Variants in BMPR1A observed in about 807,000 individuals in gnomAD.
BMPR1A encodes the protein bone morphogenetic protein receptor type-1A.
Under a neutral mutation model 66.0 loss-of-function variants are expected in BMPR1A, and 7 were observed. The ratio of observed to expected loss-of-function variants is 0.11; its 90% confidence interval spans 0.06 to 0.20. The LOEUF is 0.20. Among genes scored for constraint, BMPR1A ranks in the 10% least tolerant of loss-of-function variants. BMPR1A has a pLI of 1.00. For missense variants in BMPR1A, 408 were observed against 669.1 expected (o/e 0.61, Z 4.31); for synonymous variants, 200 against 229.7 (o/e 0.87, Z 1.17).
At chr10:86,773,597 GAA>G (rs71019429) in intron 1 of BMPR1A, among the ~76,000 whole-genome samples, 21,211 of 100,326 alleles carry the variant, frequency 0.21, 2,080 homozygotes, top group African/African-American at 0.41. Flanking sequence ...GTCTCAGAAA[GAA>G]AAAAAAAAAA....
intron 1 of BMPR1A, among the ~76,000 whole-genome samples, chr10:86,826,425 C>T (rs1842196360): frequency 3.3e-5 from 5 of 151,824 alleles, no homozygotes; most frequent in Admixed American, 3.3e-4. Flanking sequence ...CACACACACA[C>T]ACACACACAC....
rs545412431 is a variant in BMPR1A, at chr10:86,819,929, G to C, written c.-267-18936G>C. 2.0e-5 allele frequency among the ~76,000 whole-genome samples: 3 copies of C among 152,310 alleles called. No homozygotes were observed. In the South Asian group the frequency reaches 6.2e-4, roughly 32 times the overall value. ...AGAAGTTGTGGTCAATTGATGATTA[G>C]GCTGATGGTTTCTGCTAGCTCTGGC... On this transcript the variant is annotated intron_variant, in intron 1 of 12. Transcript: ENST00000372037.
At chr10:86,905,247 ACT>A (rs1843369303) in intron 7 of BMPR1A, among the ~76,000 whole-genome samples, 1 of 152,094 alleles carries the variant, frequency 6.6e-6, no homozygotes, top group Non-Finnish European at 1.5e-5. Flanking sequence ...GCCTCCCTCC[ACT>A]GTGGACGAGG....
At chr10:86,911,548 C>T (rs184573220) in intron 7 of BMPR1A, among the ~76,000 whole-genome samples, 1 of 152,194 alleles carries the variant, frequency 6.6e-6, no homozygotes, top group Admixed American at 6.5e-5. Context: ...GAGTTCGAGA[C>T]CATCCTGGGC....
chr10:86,857,014 G>A (rs10788528), intron 2 of BMPR1A, among the ~76,000 whole-genome samples: 22,569 of 152,192 alleles, frequency 0.15, 2,693 homozygotes, highest in East Asian at 0.67. Context: ...CTGGGATCAG[G>A]GTATGTCACC....
intron 2 of BMPR1A, among the ~76,000 whole-genome samples, chr10:86,847,641 G>C (rs942104100): frequency 6.6e-6 from 1 of 151,882 alleles, no homozygotes; most frequent in Non-Finnish European, 1.5e-5. Flanking sequence ...CTTGAGGCCA[G>C]GAGTTCGAGA....
rs377660016 is a variant in BMPR1A, at chr10:86,809,653, G to A, written c.-267-29212G>A. Among the ~76,000 whole-genome samples the A allele has an allele frequency of 3.5e-4, 45 of 128,632 alleles. No homozygotes were observed. The East Asian group carries it at 4.4e-3, about 12-fold the overall frequency. 84.4% of individuals were successfully genotyped at this position (128,632 alleles called of 152,430 possible). On this transcript the variant is annotated intron_variant, in intron 1 of 12. Coordinates refer to ENST00000372037, the MANE Select transcript of BMPR1A (RefSeq NM_004329.3). Reference sequence around the variant, plus strand: ...TTAAGAGACAGGGTCTTATTCTGTCGTCTAGGCCTCAGCTCCTGGCCTCAA... The same window carrying A: ...TTAAGAGACAGGGTCTTATTCTGTCATCTAGGCCTCAGCTCCTGGCCTCAA...
At chr10:86,913,606 T>G (rs948891934) in intron 8 of BMPR1A, among the ~76,000 whole-genome samples, 9 of 152,254 alleles carry the variant, frequency 5.9e-5, no homozygotes, top group South Asian at 4.1e-4. Flanking sequence ...ACAGAGTCAT[T>G]GTACAAATAC....
In BMPR1A at chr10:86,765,212, G is replaced by A. The variant is rs7088126; in HGVS notation, c.-268+8293G>A. ...AAATCTAGTATAAATCCTTGGCCAG[G>A]TGCTGTGGCTCACGCCTGTAATCCC... On this transcript the variant is annotated intron_variant, in intron 1 of 12. Transcript: ENST00000372037. Among the ~76,000 whole-genome samples the A allele has an allele frequency of 0.27, 40,406 of 151,974 alleles. 6,783 individuals carry two copies. The highest frequency in any genetic ancestry group is 0.69 in the East Asian group (3,590 of 5,168).
intron 2 of BMPR1A, among the ~76,000 whole-genome samples, chr10:86,869,550 A>G (rs1447920799): frequency 6.6e-6 from 1 of 151,418 alleles, no homozygotes; most frequent in African/African-American, 2.4e-5. Flanking sequence ...TGAGGTTGGG[A>G]GTTCGAGACC....
chr10:86,920,941 C>T (rs998981258), intron 10 of BMPR1A, among the ~76,000 whole-genome samples: 3 of 150,218 alleles, frequency 2.0e-5, no homozygotes, highest in Non-Finnish European at 1.5e-5. Flanking sequence ...CTGCAGTCTC[C>T]GCCTCCCAGG....
intron 2 of BMPR1A, among the ~76,000 whole-genome samples, chr10:86,852,718 TA>T (rs1443626443): frequency 2.0e-5 from 3 of 152,096 alleles, no homozygotes; most frequent in African/African-American, 7.2e-5. Flanking sequence ...AAATAGAGAA[TA>T]CAGATAAAAG....
At chr10:86,858,408 A>G (rs919543533) in intron 2 of BMPR1A, among the ~76,000 whole-genome samples, 3 of 152,144 alleles carry the variant, frequency 2.0e-5, no homozygotes, top group Non-Finnish European at 4.4e-5. Context: ...TACATTTGGA[A>G]TTGCAAAATG....
rs1175466338 is a variant in BMPR1A at position 86,923,812 on chromosome 10, G to C, written c.*93G>C. On this transcript the variant is annotated 3_prime_UTR_variant, in exon 13 of 13. Transcript: ENST00000372037. ...TAGAGTGGAATAAGGATGTTAACTT[G>C]GTTCTCAGACTCTTTCTTCACTACG... The C allele has an allele frequency of 6.6e-7, 1 of 1,524,044 alleles. No individual in the cohort carries two copies. The highest frequency in any genetic ancestry group is 2.3e-5 in the East Asian group (1 of 44,268). 94.4% of individuals were successfully genotyped at this position (1,524,044 alleles called of 1,614,324 possible).
At chr10:86,838,794 T>C (rs575049820) in intron 1 of BMPR1A, 71 bp from the exon 2 acceptor site, 4 of 152,334 alleles carry the variant, frequency 2.6e-5, no homozygotes, top group African/African-American at 9.6e-5. Flanking sequence ...ACGCTTCTAG[T>C]ATTGCTTCTA....
At position 86,849,320 on chromosome 10, in the gene BMPR1A, C is replaced by T. The variant is rs367876475; in HGVS notation, c.-153+10341C>T. Among the ~76,000 whole-genome samples the T allele has an allele frequency of 2.6e-5, 4 of 152,272 alleles. No individual in the cohort carries two copies. In the East Asian group the frequency reaches 7.7e-4, roughly 29 times the overall value. On this transcript the variant is annotated intron_variant, in intron 2 of 12. Coordinates refer to ENST00000372037, the MANE Select transcript of BMPR1A (RefSeq NM_004329.3). ...TGCTTTTCTGACTTTGTGCTTTTGC[C>T]TCTGGATTTCCCAGTCTGGAATGCC...
At chr10:86,920,260 T>C (rs1248926281) in intron 10 of BMPR1A, among the ~76,000 whole-genome samples, 1 of 152,240 alleles carries the variant, frequency 6.6e-6, no homozygotes, top group Admixed American at 6.5e-5. Context: ...TTTATACATA[T>C]TAAACTATGG....
rs1564698905 is a variant in BMPR1A, at chr10:86,835,548, T to TGAA, written c.-267-3317_-267-3316insGAA. ...CCTGGGTGACAAGCAAGACTCTGTATCAAAAAAAAAAAAAAAAAAAAAAAA... is the reference window on the plus strand; with the variant it reads ...CCTGGGTGACAAGCAAGACTCTGTATGAACAAAAAAAAAAAAAAAAAAAAAAAA... On this transcript the variant is annotated intron_variant, in intron 1 of 12. Coordinates refer to ENST00000372037, the MANE Select transcript of BMPR1A (RefSeq NM_004329.3). Among the ~76,000 whole-genome samples the TGAA allele has an allele frequency of 5.3e-4, 6 of 11,282 alleles. 1 individual carries two copies. The highest frequency in any genetic ancestry group is 2.5e-3 in the African/African-American group (6 of 2,404). 7.4% of individuals were successfully genotyped at this position (11,282 alleles called of 152,430 possible).
intron 2 of BMPR1A, among the ~76,000 whole-genome samples, chr10:86,860,323 A>G (rs1842696858): frequency 6.6e-6 from 1 of 152,230 alleles, no homozygotes; most frequent in Non-Finnish European, 1.5e-5. Context: ...TAAAAACAGT[A>G]AAGTTTTTAT....
Sources: gnomAD v4.1 joint callset for allele counts (sites outside exome capture counted in the v4.1 genomes callset) on GRCh38, gnomAD v4.1.1 for gene constraint, MANE v1.5 for transcripts, NCBI Gene and HGNC (gene_info 2026-07-23, HGNC 2026-07-21) for gene names.